GAREM1: variants seen among roughly 807,000 people sequenced by gnomAD.
The protein encoded by GAREM1 is GRB2-associated and regulator of MAPK protein 1.
A neutral mutation model predicts 71.3 loss-of-function variants in GAREM1; 26 were observed. The ratio of observed to expected loss-of-function variants is 0.36; its 90% CI spans 0.27 to 0.51. The LOEUF (loss-of-function observed/expected upper bound fraction) is 0.51. GAREM1 is among the 20% of genes least tolerant of loss of function. The pLI is 0.95. For missense variants in GAREM1, 1,026 were observed against 1,103.1 expected, an observed-to-expected ratio of 0.93 and a Z score of 0.99; for synonymous variants, 440 against 433.2, an observed-to-expected ratio of 1.02 and a Z score of -0.20.
intron 2 of GAREM1, among the ~76,000 whole-genome samples, chr18:32,339,448 T>C (rs2047628153): frequency 6.6e-6 from 1 of 152,296 alleles, no homozygotes; most frequent in Non-Finnish European, 1.5e-5. Context: ...AACTTCTGAA[T>C]ATAAAAAAGC....
Position 32,297,152 on chromosome 18 carries a change from A to G in GAREM1, c.394-8949T>C, listed in dbSNP as rs1406079312. ...CTGTATGGCTTGCAAACTCTAAAAT[A>G]CGTGCTCTCTGTTTCTTACAGTAAA... is the stretch of plus-strand genomic sequence containing the variant. On this transcript the variant is annotated intron_variant, in intron 3 of 5. Coordinates refer to ENST00000269209, the MANE Select transcript of GAREM1 (RefSeq NM_001242409.2). Among the ~76,000 whole-genome samples, 4 of 152,322 alleles carry G rather than the reference A, an allele frequency of 2.6e-5. No homozygotes were observed. In the East Asian group the frequency reaches 7.7e-4, roughly 29 times the overall value.
rs75379405 is a variant in GAREM1, at chr18:32,282,424, A to G, written c.1566+4607T>C. Among the ~76,000 whole-genome samples, 308 of 148,806 alleles carry G rather than the reference A, an allele frequency of 2.1e-3. 10 individuals are homozygous for G. The East Asian group carries it at 0.046, about 22-fold the overall frequency. On this transcript the variant is annotated intron_variant, in intron 4 of 5. Transcript: ENST00000269209. The stretch of plus-strand genomic sequence containing the variant: ...CTGGTGACAGAGTTAGACTCCGTCT[A>G]AAAAAAAAAGAAGACAGATGGAGAA...
intron 1 of GAREM1, among the ~76,000 whole-genome samples, chr18:32,446,903 G>T (rs922474418): frequency 3.9e-5 from 6 of 152,194 alleles, no homozygotes; most frequent in Non-Finnish European, 5.9e-5. Context: ...TCCAGCCGTG[G>T]TGAGTGTCAT....
At chr18:32,365,540 C>G (rs1347123993) in intron 2 of GAREM1, among the ~76,000 whole-genome samples, 1 of 152,144 alleles carries the variant, frequency 6.6e-6, no homozygotes, top group Non-Finnish European at 1.5e-5. Flanking sequence ...TTCTATACCA[C>G]AATGAGGAAA....
intron 1 of GAREM1, among the ~76,000 whole-genome samples, chr18:32,397,272 A>G (rs2048266683): frequency 6.6e-6 from 1 of 152,224 alleles, no homozygotes; most frequent in Admixed American, 6.5e-5. Flanking sequence ...AGCTAACATC[A>G]TAATGACAGG....
At chr18:32,308,530 A>AT (rs539652963) in intron 3 of GAREM1, among the ~76,000 whole-genome samples, 2,896 of 148,692 alleles carry the variant, frequency 0.019, 235 homozygotes, top group African/African-American at 0.068. Flanking sequence ...AAAAAAACTT[A>AT]TTTTTTTTTC....
intron 2 of GAREM1, among the ~76,000 whole-genome samples, chr18:32,377,277 T>C (rs1304580791): frequency 1.3e-5 from 2 of 152,200 alleles, no homozygotes; most frequent in African/African-American, 4.8e-5. Context: ...ACTATATTGT[T>C]GTTGCTTTAA....
rs184403686 is a variant in GAREM1 at position 32,279,600 on chromosome 18, A to T, written c.1566+7431T>A. Among the ~76,000 whole-genome samples the T allele has an allele frequency of 2.6e-3, 403 of 152,302 alleles. 2 individuals are homozygous for T. Among genetic ancestry groups the T allele is most frequent in the Middle Eastern group, 0.014 (4 of 294 alleles). The stretch of plus-strand genomic sequence containing the variant: ...CAAGCTCAGGGCTCCCACTGATTCT[A>T]CATTATGGTGAGTTGTATAATTATT... On this transcript the variant is annotated intron_variant, in intron 4 of 5. Transcript: ENST00000269209.
intron 1 of GAREM1, among the ~76,000 whole-genome samples, chr18:32,418,314 G>A (rs1367039140): frequency 6.6e-6 from 1 of 152,106 alleles, no homozygotes; most frequent in Non-Finnish European, 1.5e-5. Flanking sequence ...TGTCCATGGT[G>A]TCAAAGTCCA....
intron 2 of GAREM1, among the ~76,000 whole-genome samples, chr18:32,348,566 A>T (rs2047718148): frequency 6.6e-6 from 1 of 152,136 alleles, no homozygotes; most frequent in Non-Finnish European, 1.5e-5. Context: ...TCTACTAAAA[A>T]TACGAAAATT....
intron 5 of GAREM1, among the ~76,000 whole-genome samples, chr18:32,270,012 T>C (rs1182446969): frequency 6.6e-6 from 1 of 152,166 alleles, no homozygotes; most frequent in African/African-American, 2.4e-5. Flanking sequence ...GCATCTTTTC[T>C]TCCCAAGACA....
intron 2 of GAREM1, among the ~76,000 whole-genome samples, chr18:32,350,526 T>C (rs2047738653): frequency 6.6e-6 from 1 of 152,114 alleles, no homozygotes; most frequent in Non-Finnish European, 1.5e-5. Context: ...AGGATAAACA[T>C]TTCTACTCAA....
chr18:32,446,611 G>C (rs575006863), intron 1 of GAREM1, among the ~76,000 whole-genome samples: 2 of 152,304 alleles, frequency 1.3e-5, no homozygotes, highest in South Asian at 4.1e-4. Flanking sequence ...ATCCGTATCT[G>C]ACTGTGGTTC....
At chr18:32,371,622 T>C (rs2047981009) in intron 2 of GAREM1, among the ~76,000 whole-genome samples, 1 of 151,650 alleles carries the variant, frequency 6.6e-6, no homozygotes, top group South Asian at 2.1e-4. Flanking sequence ...GGATTAAGGG[T>C]GGGTAGTAAG....
chr18:32,351,053 T>C (rs1259180299), intron 2 of GAREM1, among the ~76,000 whole-genome samples: 1 of 152,190 alleles, frequency 6.6e-6, no homozygotes, highest in Non-Finnish European at 1.5e-5. Flanking sequence ...GTTGAACTTC[T>C]GGTCCTTCTG....
At chr18:32,460,114 TTAA>T (rs1474938430) in intron 1 of GAREM1, among the ~76,000 whole-genome samples, 9 of 137,608 alleles carry the variant, frequency 6.5e-5, no homozygotes, top group African/African-American at 2.7e-4. Flanking sequence ...GTCATCTTAT[TTAA>T]AAAAAAAAAA....
At chr18:32,459,045 A>G (rs1445918697) in intron 1 of GAREM1, among the ~76,000 whole-genome samples, 2 of 152,234 alleles carry the variant, frequency 1.3e-5, no homozygotes, top group South Asian at 2.1e-4. Context: ...TTGACTGGTA[A>G]TAACAGAATT....
At chr18:32,469,349 G>C (rs2049028108) in intron 1 of GAREM1, among the ~76,000 whole-genome samples, 1 of 152,056 alleles carries the variant, frequency 6.6e-6, no homozygotes, top group Admixed American at 6.6e-5. Context: ...TGCCAGCCTG[G>C]GCCCGTGTAC....
At chr18:32,304,217 G>C (rs565969800) in intron 3 of GAREM1, among the ~76,000 whole-genome samples, 2 of 151,926 alleles carry the variant, frequency 1.3e-5, no homozygotes, top group Non-Finnish European at 2.9e-5. Context: ...TGAGGCAGGA[G>C]AATCGCTTGG....
Sources: gnomAD v4.1 joint callset for allele counts (sites outside exome capture counted in the v4.1 genomes callset) on GRCh38, gnomAD v4.1.1 for gene constraint, MANE v1.5 for transcripts, NCBI Gene and HGNC (gene_info 2026-07-23, HGNC 2026-07-21) for gene names.